Variants in KIAA1671 observed in about 807,000 individuals in gnomAD.
KIAA1671 encodes the protein uncharacterized protein KIAA1671.
KIAA1671 carries 52 observed loss-of-function variants against 131.2 expected under a neutral mutation model. The observed-to-expected ratio is 0.40, with a 90% CI of 0.32 to 0.50. The LOEUF (loss-of-function observed/expected upper bound fraction) is 0.50, where lower values mean the gene tolerates loss of function less well. Among genes scored for constraint, KIAA1671 ranks in the 20% least tolerant of loss-of-function variants. KIAA1671 has a pLI of 0.73. For synonymous variants in KIAA1671, 1,003 were observed against 961.6 expected, an observed-to-expected ratio of 1.04 and a Z score of -0.80; for missense variants, 2,360 against 2,364.2, an observed-to-expected ratio of 1.00 and a Z score of 0.04.
chr22:25,151,861 C>A (rs1933056742), intron 6 of KIAA1671, among the ~76,000 whole-genome samples: 1 of 152,136 alleles, frequency 6.6e-6, no homozygotes, highest in Non-Finnish European at 1.5e-5. Context: ...GCTTCAGCCT[C>A]CCGAGAAGCT....
At chr22:25,027,768 C>T (rs1279669955) in intron 2 of KIAA1671, among the ~76,000 whole-genome samples, 177 bp from the exon 3 acceptor site, 2 of 152,192 alleles carry the variant, frequency 1.3e-5, no homozygotes, top group African/African-American at 4.8e-5. Flanking sequence ...CCACTCCCCT[C>T]GTCCAGAGCT....
At chr22:24,971,211 C>G (rs5996803) in intron 1 of KIAA1671, among the ~76,000 whole-genome samples, 31,688 of 152,084 alleles carry the variant, frequency 0.21, 4,104 homozygotes, top group African/African-American at 0.36. Flanking sequence ...CTGCCTTGGC[C>G]TCCCAAAGTG....
intron 1 of KIAA1671, chr22:25,014,963 G>A (rs894308526): frequency 3.3e-5 from 5 of 152,150 alleles, no homozygotes; most frequent in African/African-American, 9.7e-5. Flanking sequence ...TTTTCTGGGC[G>A]ATATGGCCTC....
chr22:25,098,993 A>G (rs1930520130), intron 6 of KIAA1671, among the ~76,000 whole-genome samples: 1 of 152,052 alleles, frequency 6.6e-6, no homozygotes, highest in African/African-American at 2.4e-5. Flanking sequence ...CACAGCAGCT[A>G]TGAGATGAGA....
intron 1 of KIAA1671, among the ~76,000 whole-genome samples, chr22:24,964,743 A>T (rs1014614392): frequency 7.2e-5 from 11 of 152,080 alleles, no homozygotes; most frequent in Non-Finnish European, 1.5e-4. Context: ...GTTGTATTTG[A>T]TTCTTGTGAC....
intron 6 of KIAA1671, among the ~76,000 whole-genome samples, chr22:25,093,732 C>CTCTCTCTCTCTCTCTT (rs759879869): frequency 1.8e-5 from 2 of 111,528 alleles, no homozygotes; most frequent in African/African-American, 4.4e-5. Flanking sequence ...CACACACACA[C>CTCTCTCTCTCTCTCTT]ACACACTCTC....
intron 6 of KIAA1671, among the ~76,000 whole-genome samples, chr22:25,125,365 T>C (rs1031748271): frequency 1.3e-5 from 2 of 152,116 alleles, no homozygotes; most frequent in Non-Finnish European, 2.9e-5. Context: ...CTATGTCGGG[T>C]CTGTTTTACA....
chr22:24,997,995 C>T (rs547509823), intron 1 of KIAA1671, among the ~76,000 whole-genome samples: 9 of 152,174 alleles, frequency 5.9e-5, no homozygotes, highest in Non-Finnish European at 1.3e-4. Flanking sequence ...GTTTTGCAAA[C>T]CTTAATGCCT....
intron 6 of KIAA1671, among the ~76,000 whole-genome samples, chr22:25,114,960 C>T (rs1245960245): frequency 6.6e-6 from 1 of 152,194 alleles, no homozygotes; most frequent in Non-Finnish European, 1.5e-5. Flanking sequence ...CTGCCTCCGG[C>T]TTGTATTTAC....
intron 1 of KIAA1671, among the ~76,000 whole-genome samples, chr22:25,000,326 T>A (rs1924388757): frequency 1.0e-5 from 1 of 96,700 alleles, no homozygotes; most frequent in African/African-American, 3.9e-5. Flanking sequence ...CCCAAGTAGC[T>A]GGGACTACAG....
chr22:25,021,571 C>A (rs978657409), intron 1 of KIAA1671, among the ~76,000 whole-genome samples: 2 of 151,520 alleles, frequency 1.3e-5, no homozygotes, highest in Non-Finnish European at 1.5e-5. Flanking sequence ...AGCGCCTGGC[C>A]CAGAGCCTGG....
At chr22:24,963,482 G>A (rs1013193642) in intron 1 of KIAA1671, among the ~76,000 whole-genome samples, 4 of 151,932 alleles carry the variant, frequency 2.6e-5, no homozygotes, top group African/African-American at 9.7e-5. Flanking sequence ...TGGGGAGGGA[G>A]CATCTGGGGT....
intron 1 of KIAA1671, among the ~76,000 whole-genome samples, chr22:25,008,809 C>T (rs1924880352): frequency 6.6e-6 from 1 of 152,232 alleles, no homozygotes; most frequent in South Asian, 2.1e-4. Flanking sequence ...AATAAACTTG[C>T]AATGGTTCAC....
chr22:25,184,786 C>T (rs1373088615), intron 10 of KIAA1671, among the ~76,000 whole-genome samples, 191 bp from the exon 11 acceptor site: 1 of 151,756 alleles, frequency 6.6e-6, no homozygotes, highest in Non-Finnish European at 1.5e-5. Flanking sequence ...TCTTGGGGGT[C>T]GAGGGTGGCT....
At chr22:25,109,483 C>A (rs1157194894) in intron 6 of KIAA1671, among the ~76,000 whole-genome samples, 1 of 152,142 alleles carries the variant, frequency 6.6e-6, no homozygotes, top group African/African-American at 2.4e-5. Context: ...CCACACGGAC[C>A]AACCTTGATT....
chr22:25,180,461 C>T (rs1324100330), intron 9 of KIAA1671, among the ~76,000 whole-genome samples: 1 of 152,138 alleles, frequency 6.6e-6, no homozygotes, highest in Non-Finnish European at 1.5e-5. Context: ...TCGATTGAAC[C>T]CAGGAGGCGG....
At chr22:25,081,619 CTT>C (rs11336156) in intron 6 of KIAA1671, among the ~76,000 whole-genome samples, 33 of 148,884 alleles carry the variant, frequency 2.2e-4, no homozygotes, top group African/African-American at 2.5e-4. Context: ...TGGGCAGCTG[CTT>C]TTTTTTTTTT....
At chr22:25,078,100 A>G (rs866727345) in intron 6 of KIAA1671, among the ~76,000 whole-genome samples, 7 of 152,136 alleles carry the variant, frequency 4.6e-5, no homozygotes, top group African/African-American at 1.7e-4. Flanking sequence ...CTGGGATTTG[A>G]ACTTGGAAAT....
At chr22:24,979,540 A>G (rs1014259415) in intron 1 of KIAA1671, among the ~76,000 whole-genome samples, 11 of 147,968 alleles carry the variant, frequency 7.4e-5, no homozygotes, top group Non-Finnish European at 1.5e-4. Flanking sequence ...TAGTAGAGAC[A>G]GGGTTTCACT....
Sources: gnomAD v4.1 joint callset for allele counts (sites outside exome capture counted in the v4.1 genomes callset) on GRCh38, gnomAD v4.1.1 for gene constraint, MANE v1.5 for transcripts, NCBI Gene and HGNC (gene_info 2026-07-23, HGNC 2026-07-21) for gene names.